LRRTM4: variants seen among roughly 807,000 people sequenced by gnomAD.
LRRTM4 encodes the protein leucine-rich repeat transmembrane neuronal protein 4.
LRRTM4 carries 25 observed loss-of-function variants against 47.6 expected under a neutral mutation model. The observed-to-expected ratio is 0.53, with a 90% CI of 0.38 to 0.73. LRRTM4 has a LOEUF of 0.73. Ranked by LOEUF, LRRTM4 falls within the 30% of genes least tolerant of loss-of-function variation. The probability of loss-of-function intolerance (pLI) is 0.00; values close to 1 mark genes in which losing one functional copy is unlikely to be tolerated. For missense variants in LRRTM4, 638 were observed against 713.4 expected (o/e 0.89, Z 1.20); for synonymous variants, 311 against 269.5 (o/e 1.15, Z -1.51).
At chr2:77,156,293 G>A (rs1359519448) in intron 3 of LRRTM4, among the ~76,000 whole-genome samples, 1 of 142,512 alleles carries the variant, frequency 7.0e-6, no homozygotes, top group Non-Finnish European at 1.6e-5. Context: ...AGAAATATAT[G>A]TAAAACAACA....
chr2:76,833,970 G>C (rs970263957), intron 3 of LRRTM4, among the ~76,000 whole-genome samples: 3 of 151,130 alleles, frequency 2.0e-5, no homozygotes, highest in African/African-American at 7.3e-5. Context: ...TTGTCCTATT[G>C]AATGATAACC....
chr2:77,027,503 C>T (rs954364572), intron 3 of LRRTM4, among the ~76,000 whole-genome samples: 3 of 152,072 alleles, frequency 2.0e-5, no homozygotes, highest in Admixed American at 6.6e-5. Context: ...GAGTGAGTAG[C>T]CACTCAAGGG....
intron 3 of LRRTM4, among the ~76,000 whole-genome samples, chr2:76,995,706 T>C (rs932320341): frequency 6.6e-6 from 1 of 152,040 alleles, no homozygotes; most frequent in Non-Finnish European, 1.5e-5. Context: ...GTAAGCCATA[T>C]AGATTCAGGA....
At chr2:76,901,768 C>G (rs1673645481) in intron 3 of LRRTM4, among the ~76,000 whole-genome samples, 1 of 152,080 alleles carries the variant, frequency 6.6e-6, no homozygotes, top group Admixed American at 6.6e-5. Flanking sequence ...GTTCCGAGGT[C>G]ACCAAAATTC....
At chr2:76,785,456 T>C (rs1674623372) in intron 3 of LRRTM4, among the ~76,000 whole-genome samples, 1 of 152,140 alleles carries the variant, frequency 6.6e-6, no homozygotes, top group African/African-American at 2.4e-5. Context: ...GAGTGAATTT[T>C]AGTTGAGATA....
intron 3 of LRRTM4, among the ~76,000 whole-genome samples, chr2:77,313,745 A>G (rs1018257687): frequency 6.6e-6 from 1 of 152,152 alleles, no homozygotes; most frequent in Non-Finnish European, 1.5e-5. Flanking sequence ...TTCTTCCTGA[A>G]GCCTAACTCT....
At chr2:76,974,291 A>C (rs1378237210) in intron 3 of LRRTM4, among the ~76,000 whole-genome samples, 1 of 147,026 alleles carries the variant, frequency 6.8e-6, no homozygotes, top group Admixed American at 6.9e-5. Context: ...ATTTTGACAT[A>C]CCAGAGCATT....
intron 3 of LRRTM4, among the ~76,000 whole-genome samples, chr2:77,084,130 A>C (rs75584036): frequency 6.6e-6 from 1 of 152,150 alleles, no homozygotes; most frequent in African/African-American, 2.4e-5. Flanking sequence ...GTTTAAAAAT[A>C]AAGTGTGTAA....
At chr2:77,032,146 C>T (rs1413790715) in intron 3 of LRRTM4, among the ~76,000 whole-genome samples, 1 of 152,116 alleles carries the variant, frequency 6.6e-6, no homozygotes, top group African/African-American at 2.4e-5. Context: ...CCACCTGGCT[C>T]TGCAGTGACT....
intron 3 of LRRTM4, among the ~76,000 whole-genome samples, chr2:77,316,262 A>G (rs1677614985): frequency 6.6e-6 from 1 of 152,220 alleles, no homozygotes; most frequent in South Asian, 2.1e-4. Context: ...ATATATGTAA[A>G]GCACTTTACA....
chr2:76,918,156 T>G (rs2103800223), intron 3 of LRRTM4, among the ~76,000 whole-genome samples: 1 of 152,272 alleles, frequency 6.6e-6, no homozygotes, highest in Non-Finnish European at 1.5e-5. Flanking sequence ...TACCAAAAAT[T>G]GTCACAATAC....
At chr2:77,170,047 C>G (rs1401586129) in intron 3 of LRRTM4, among the ~76,000 whole-genome samples, 5 of 152,044 alleles carry the variant, frequency 3.3e-5, no homozygotes, top group Non-Finnish European at 5.9e-5. Flanking sequence ...AAATGATAGT[C>G]CTCTAAGATG....
intron 3 of LRRTM4, among the ~76,000 whole-genome samples, chr2:77,291,332 T>A (rs968641194): frequency 9.9e-5 from 15 of 152,230 alleles, no homozygotes; most frequent in African/African-American, 3.4e-4. Context: ...GTGTTAAAAC[T>A]ATTGAAAAGT....
At chr2:76,958,089 G>A (rs142410367) in intron 3 of LRRTM4, among the ~76,000 whole-genome samples, 20 of 151,648 alleles carry the variant, frequency 1.3e-4, no homozygotes, top group Non-Finnish European at 7.4e-5. Flanking sequence ...GGAAAAAGGA[G>A]GTTTCATTTA....
At chr2:77,096,239 A>G (rs1030264312) in intron 3 of LRRTM4, among the ~76,000 whole-genome samples, 1 of 151,884 alleles carries the variant, frequency 6.6e-6, no homozygotes, top group African/African-American at 2.4e-5. Flanking sequence ...TCTCAAAGCA[A>G]TAATAGAATA....
intron 3 of LRRTM4, among the ~76,000 whole-genome samples, chr2:76,956,334 T>C (rs60837510): frequency 0.053 from 7,992 of 151,680 alleles, 482 homozygotes; most frequent in East Asian, 0.14. Flanking sequence ...TAAACACATT[T>C]GGATAACTAA....
At chr2:77,487,535 G>C (rs554647431) in intron 3 of LRRTM4, among the ~76,000 whole-genome samples, 32 of 152,292 alleles carry the variant, frequency 2.1e-4, no homozygotes, top group Middle Eastern at 6.8e-3. Flanking sequence ...GCTCAGCGTG[G>C]GCCTGCAGGT....
At chr2:77,300,504 T>A (rs1445935449) in intron 3 of LRRTM4, among the ~76,000 whole-genome samples, 1 of 152,116 alleles carries the variant, frequency 6.6e-6, no homozygotes, top group Non-Finnish European at 1.5e-5. Context: ...ATTCTTTATT[T>A]GTAATATAGA....
intron 3 of LRRTM4, among the ~76,000 whole-genome samples, chr2:77,344,421 C>T (rs575827693): frequency 6.6e-6 from 1 of 151,536 alleles, no homozygotes; most frequent in Non-Finnish European, 1.5e-5. Context: ...AATAGTGTGA[C>T]CTTCATAGAA....
Sources: gnomAD v4.1 joint callset for allele counts (sites outside exome capture counted in the v4.1 genomes callset) on GRCh38, gnomAD v4.1.1 for gene constraint, MANE v1.5 for transcripts, NCBI Gene and HGNC (gene_info 2026-07-23, HGNC 2026-07-21) for gene names.